ATF7: variants seen among roughly 807,000 people sequenced by gnomAD.
ATF7 encodes the protein activating transcription factor 7.
A neutral mutation model predicts 50.4 loss-of-function variants in ATF7; 10 were observed. The observed-to-expected ratio is 0.20, with a 90% CI of 0.12 to 0.34. The LOEUF (loss-of-function observed/expected upper bound fraction) is 0.34, where lower values mean the gene tolerates loss of function less well. ATF7 is among the 10% of genes least tolerant of loss of function. ATF7 has a pLI of 1.00. For synonymous variants in ATF7, 201 were observed against 226.4 expected, an observed-to-expected ratio of 0.89 and a Z score of 1.01; for missense variants, 465 against 613.9, an observed-to-expected ratio of 0.76 and a Z score of 2.56.
intron 1 of ATF7, among the ~76,000 whole-genome samples, chr12:53,611,715 T>C (rs1230802959): frequency 6.6e-6 from 1 of 152,004 alleles, no homozygotes; most frequent in African/African-American, 2.4e-5. Flanking sequence ...CTCAGCCTCC[T>C]GAATAGCTGA....
intron 2 of ATF7, among the ~76,000 whole-genome samples, chr12:53,559,007 C>T (rs910989989): frequency 5.9e-5 from 9 of 151,650 alleles, no homozygotes; most frequent in Admixed American, 3.9e-4. Context: ...ATGGGCTGGG[C>T]GCAGTGGCTC....
intron 1 of ATF7, among the ~76,000 whole-genome samples, chr12:53,606,342 G>T (rs1006460934): frequency 2.0e-5 from 3 of 151,824 alleles, no homozygotes; most frequent in East Asian, 1.9e-4. Flanking sequence ...TCTGCCTCCC[G>T]GATTCAAGCG....
chr12:53,563,633 A>G (rs1036424482), intron 2 of ATF7, among the ~76,000 whole-genome samples: 1 of 152,204 alleles, frequency 6.6e-6, no homozygotes, highest in Non-Finnish European at 1.5e-5. Flanking sequence ...TAGACTGTAA[A>G]CTACTAGAGG....
intron 4 of ATF7, among the ~76,000 whole-genome samples, chr12:53,539,562 G>A (rs781400139): frequency 8.6e-5 from 13 of 152,028 alleles, no homozygotes; most frequent in Non-Finnish European, 1.5e-4. Flanking sequence ...GGTGGTACGC[G>A]CCTGTAGTCC....
At chr12:53,553,352 G>C (rs536742064) in intron 2 of ATF7, among the ~76,000 whole-genome samples, 5 of 152,284 alleles carry the variant, frequency 3.3e-5, no homozygotes, top group Non-Finnish European at 7.3e-5. Context: ...CTATATAATG[G>C]TAGAATAAAA....
chr12:53,524,238 A>G lies in ATF7; in HGVS notation c.1125+326T>C, dbSNP rs1206334164. On this transcript the variant is annotated intron_variant, in intron 10 of 11. Transcript: ENST00000420353. The surrounding 1 kb of genome is among the most constrained non-coding windows in gnomAD (Gnocchi z 4.6). ...TTTATTAAGCTGCATTATCTAGGGCAAACACATTTCCCTTTTGGTTTTCAT... is the reference window on the plus strand; with the variant it reads ...TTTATTAAGCTGCATTATCTAGGGCGAACACATTTCCCTTTTGGTTTTCAT... Among the ~76,000 whole-genome samples, 1 of 152,204 alleles carries G rather than the reference A, an allele frequency of 6.6e-6. No homozygotes were observed. The highest frequency in any genetic ancestry group is 1.5e-5 in the Non-Finnish European group (1 of 68,040).
chr12:53,580,757 C>T (rs1942385814), intron 2 of ATF7, among the ~76,000 whole-genome samples: 1 of 150,028 alleles, frequency 6.7e-6, no homozygotes, highest in Non-Finnish European at 1.5e-5. Context: ...AGAAAGATAT[C>T]AGGAATAAAG....
intron 2 of ATF7, among the ~76,000 whole-genome samples, chr12:53,588,926 T>G (rs967226897): frequency 6.6e-6 from 1 of 152,170 alleles, no homozygotes. Context: ...TCATAAGAAT[T>G]TACACCTTTT....
intron 1 of ATF7, among the ~76,000 whole-genome samples, chr12:53,610,133 T>C (rs1178439505): frequency 6.6e-6 from 1 of 152,110 alleles, no homozygotes; most frequent in Non-Finnish European, 1.5e-5. Flanking sequence ...CTTATTGTTT[T>C]ATATTAGTGT....
In ATF7 at chr12:53,512,261, T is replaced by G. The variant is rs1202159427; in HGVS notation, c.*4876A>C. On this transcript the variant is annotated 3_prime_UTR_variant, in exon 12 of 12. Transcript: ENST00000420353. ...GATTGTGAGAACCAGCTCACAGGGA[T>G]CATGCTGAATCAGGTGGAGGGGAAA... The G allele has an allele frequency of 6.6e-6, 1 of 152,090 alleles. No homozygotes were observed. Among genetic ancestry groups the G allele is most frequent in the Non-Finnish European group, 1.5e-5 (1 of 68,028 alleles). The allele number at this position is 152,090 out of a possible 1,614,324, so 9.4% of individuals were successfully genotyped here.
intron 6 of ATF7, 100 bp from the exon 7 acceptor site, chr12:53,533,359 G>T: frequency 1.0e-6 from 1 of 967,794 alleles, no homozygotes; most frequent in Non-Finnish European, 1.6e-6. Flanking sequence ...TCTAGTTAGG[G>T]AAGGTATAGG....
rs35400565 is a variant in ATF7, at chr12:53,517,233, C to T, written c.1356G>A (p.Ser452=). 6.2e-6 allele frequency: 10 copies of T among 1,614,018 alleles called. No homozygotes were observed. The highest frequency in any genetic ancestry group is 1.6e-4 in the Middle Eastern group (1 of 6,062). Residue 452 remains serine (S), a synonymous_variant, in exon 12 of 12, where the codon TCG becomes TCA. Transcript: ENST00000420353. ...TTTGGCTGGCCATCTGAGTGAGGAC[C>T]GAGGTGGCCACAGCTTCAGCTGCAG... The part of the protein sequence containing the change: ...VRSAAEAVAT[S]VLTQMASQRT...
At chr12:53,592,420 C>T (rs1942983473) in intron 2 of ATF7, among the ~76,000 whole-genome samples, 1 of 152,154 alleles carries the variant, frequency 6.6e-6, no homozygotes, top group Non-Finnish European at 1.5e-5. Flanking sequence ...GCAACATCTC[C>T]CTACAATAAA....
intron 3 of ATF7, among the ~76,000 whole-genome samples, chr12:53,547,674 C>T (rs1426429833): frequency 2.7e-5 from 4 of 148,120 alleles, no homozygotes; most frequent in Non-Finnish European, 6.0e-5. Context: ...AACTCCTGGG[C>T]TCAAGCAATC....
At chr12:53,620,736 G>A (rs892574308) in intron 1 of ATF7, among the ~76,000 whole-genome samples, 10 of 150,758 alleles carry the variant, frequency 6.6e-5, no homozygotes, top group Admixed American at 1.3e-4. Context: ...GGAACACAGC[G>A]AGACTTCGTC....
chr12:53,592,670 A>G (rs1285767900), intron 2 of ATF7, among the ~76,000 whole-genome samples: 2 of 152,214 alleles, frequency 1.3e-5, no homozygotes, highest in Non-Finnish European at 2.9e-5. Context: ...ATAGCAAACA[A>G]AGAAAAAAAA....
chr12:53,553,732 A>C (rs967027718), intron 2 of ATF7, among the ~76,000 whole-genome samples: 4 of 152,222 alleles, frequency 2.6e-5, no homozygotes, highest in African/African-American at 9.7e-5. Context: ...GAGGCTCTGA[A>C]ACATGGTTCC....
rs370705243 is a variant in ATF7 at position 53,607,065 on chromosome 12, T to C, written c.-21-6044A>G. 6.3e-4 allele frequency among the ~76,000 whole-genome samples: 96 copies of C among 152,314 alleles called. 2 individuals are homozygous for C. The East Asian group carries it at 0.011, about 18-fold the overall frequency. On this transcript the variant is annotated intron_variant, in intron 1 of 11. Transcript: ENST00000420353. ...TATAGCAGCATGATTTATAATCCTT[T>C]GGGTATATATCCAGTAATGGGATGG...
downstream of ATF7, among the ~76,000 whole-genome samples, chr12:53,509,091 G>A (rs1944078937): frequency 6.6e-6 from 1 of 152,174 alleles, no homozygotes; most frequent in South Asian, 2.1e-4. Flanking sequence ...TCTAGCTTGT[G>A]CTGAGGAAGA....
Sources: gnomAD v4.1 joint callset for allele counts (sites outside exome capture counted in the v4.1 genomes callset) on GRCh38, gnomAD v4.1.1 for gene constraint, Gnocchi (gnomAD v3.1) non-coding constraint, MANE v1.5 for transcripts, NCBI Gene and HGNC (gene_info 2026-07-23, HGNC 2026-07-21) for gene names.